The following TNC variants were observed in gnomAD, a reference collection of about 807,000 sequenced individuals.
TNC encodes tenascin.
A neutral mutation model predicts 202.4 loss-of-function variants in TNC; 109 were observed. The observed-to-expected ratio is 0.54, with a 90% CI of 0.46 to 0.63. The LOEUF (loss-of-function observed/expected upper bound fraction) is 0.63. Ranked by LOEUF, TNC falls within the 30% of genes least tolerant of loss-of-function variation. TNC has a pLI of 0.00. For synonymous variants in TNC, 1,007 were observed against 1,089.7 expected (o/e 0.92, Z 1.50); for missense variants, 2,756 against 2,833.3 (o/e 0.97, Z 0.62).
intron 1 of TNC, among the ~76,000 whole-genome samples, chr9:115,095,446 GTATATATATA>G (rs369832537): frequency 1.0e-5 from 1 of 96,162 alleles, no homozygotes; most frequent in Non-Finnish European, 2.0e-5. Context: ...CGTGGTATGT[GTATATATATA>G]TGTATATATA....
At chr9:115,058,467 G>T (rs1319051770) in intron 14 of TNC, among the ~76,000 whole-genome samples, 1 of 152,180 alleles carries the variant, frequency 6.6e-6, no homozygotes, top group African/African-American at 2.4e-5. Flanking sequence ...CTGCAGAAAA[G>T]ATCAGAAGTG....
At chr9:115,043,142 A>G (rs534051080) in intron 17 of TNC, among the ~76,000 whole-genome samples, 1 of 152,238 alleles carries the variant, frequency 6.6e-6, no homozygotes, top group East Asian at 1.9e-4. Flanking sequence ...TGCCCTCTTC[A>G]GCTAACCATG....
At chr9:115,027,390 G>A (rs537128895) in intron 25 of TNC, among the ~76,000 whole-genome samples, 55 of 151,422 alleles carry the variant, frequency 3.6e-4, no homozygotes, top group Non-Finnish European at 6.6e-4. Flanking sequence ...AGGAGTTCGA[G>A]ACCAGCCTGG....
intron 1 of TNC, among the ~76,000 whole-genome samples, chr9:115,095,448 A>ATATATATATGTATATATATATG (rs1225242190): frequency 5.9e-5 from 6 of 101,736 alleles, no homozygotes; most frequent in African/African-American, 2.6e-4. Context: ...TGGTATGTGT[A>ATATATATATGTATATATATATG]TATATATATG....
intron 1 of TNC, among the ~76,000 whole-genome samples, chr9:115,093,892 T>C (rs1231900231): frequency 1.3e-5 from 2 of 152,178 alleles, no homozygotes; most frequent in East Asian, 1.9e-4. Context: ...TCTTGAGCAT[T>C]GTGTATTTCC....
chr9:115,082,372 C>A lies in TNC; in HGVS notation c.2247+320G>T, dbSNP rs138338350. ...AAGGGTTGCTCAAATCTGAGATGTA[C>A]CTTTATTTTGAGGGAGAGACTGTTT... On this transcript the variant is annotated intron_variant, in intron 5 of 27. Transcript: ENST00000350763. 7.9e-5 allele frequency among the ~76,000 whole-genome samples: 12 copies of A among 152,232 alleles called. No homozygotes were observed. In the East Asian group the frequency reaches 1.4e-3, roughly 17 times the overall value.
intron 1 of TNC, among the ~76,000 whole-genome samples, chr9:115,108,575 T>C (rs984936657): frequency 3.3e-5 from 5 of 152,334 alleles, no homozygotes; most frequent in Admixed American, 2.0e-4. Context: ...GTTTTGTCTT[T>C]CTTCTTAGCA....
At chr9:115,077,764 A>T (rs1564104353) in intron 7 of TNC, among the ~76,000 whole-genome samples, 179 bp downstream of exon 7, 1 of 152,122 alleles carries the variant, frequency 6.6e-6, no homozygotes. Flanking sequence ...GTTATTTGGA[A>T]TTTTTTTTGA....
intron 1 of TNC, among the ~76,000 whole-genome samples, chr9:115,099,497 C>T (rs1836061313): frequency 6.6e-6 from 1 of 152,220 alleles, no homozygotes; most frequent in Non-Finnish European, 1.5e-5. Flanking sequence ...GGAATCACCA[C>T]TCTTTTAGGT....
At position 115,043,864 on chromosome 9, in the gene TNC, T is replaced by G. The variant is rs77251204; in HGVS notation, c.5126-1523A>C. Among the ~76,000 whole-genome samples the G allele has an allele frequency of 1.7e-3, 261 of 152,338 alleles. 2 individuals carry two copies. Among genetic ancestry groups the G allele is most frequent in the African/African-American group, 6.0e-3 (250 of 41,578 alleles). ...AAACCTCATTGGTGTAGGTACATTT[T>G]AGTAGGTGTATCTTATGGCCAAACA... On this transcript the variant is annotated intron_variant, in intron 17 of 27. Coordinates refer to ENST00000350763, the MANE Select transcript of TNC (RefSeq NM_002160.4).
chr9:115,102,455 G>A (rs573971464), intron 1 of TNC, among the ~76,000 whole-genome samples: 6 of 152,200 alleles, frequency 3.9e-5, no homozygotes, highest in Non-Finnish European at 7.3e-5. Flanking sequence ...ATGCCTTGAA[G>A]GCTTCTAGAA....
At position 115,086,371 on chromosome 9, in the gene TNC, A is replaced by C; in HGVS notation, c.1360T>G (p.Cys454Gly). ...HSRGRCVEGK[C>G]VCEQGFKGYD... ...CCCTTGAAGCCTTGCTCACATACAC[A>C]TTTGCCCTCGACACAGCGGCCCCGA... Residue 454 changes from cysteine to glycine, a missense_variant, in exon 3 of 28, where the codon TGT becomes GGT. Cys to Gly is a radical substitution (Grantham distance 159, BLOSUM62 -3). Coordinates refer to ENST00000350763, the MANE Select transcript of TNC (RefSeq NM_002160.4). 6.2e-7 allele frequency: 1 copy of C among 1,613,932 alleles called. No individual in the cohort carries two copies. Among genetic ancestry groups the C allele is most frequent in the Non-Finnish European group, 8.5e-7 (1 of 1,179,962 alleles).
chr9:115,063,766 G>A (rs1047977053), intron 12 of TNC, 30 bp downstream of exon 12: 1 of 1,592,170 alleles, frequency 6.3e-7, no homozygotes, highest in Non-Finnish European at 8.6e-7. Flanking sequence ...CAAAGGGGAG[G>A]AAGTGAATTA....
intron 2 of TNC, 132 bp from the exon 3 acceptor site, chr9:115,087,405 A>G (rs2133520832): frequency 2.3e-6 from 2 of 862,924 alleles, no homozygotes; most frequent in African/African-American, 1.7e-5. Flanking sequence ...CTTGAGAACC[A>G]TTTGTTGTAG....
In TNC at chr9:115,077,949, T is replaced by C. The variant is rs769389168; in HGVS notation, c.2668A>G (p.Thr890Ala). 1.1e-5 allele frequency: 17 copies of C among 1,613,988 alleles called. No individual in the cohort carries two copies. Among genetic ancestry groups the C allele is most frequent in the Non-Finnish European group, 1.4e-5 (17 of 1,179,954 alleles). Reference protein sequence around the residue: ...MSSNPAKETFTTGLDAPRNLR... With the variant: ...MSSNPAKETFATGLDAPRNLR... ...ACAGGGGGAGGCCTTTTACCTGTTG[T>C]GAAGGTCTCTTTGGCTGGGTTGCTT... The change falls in exon 7 of 28, where the codon ACA (threonine) becomes GCA (alanine). Residue 890 changes from threonine to alanine, a missense_variant. Thr to Ala is a moderately conservative substitution (Grantham distance 58). This residue lies in a region of TNC where 2,559 missense variants were observed against 2,546.0 expected (regional missense o/e 1.01). Transcript: ENST00000350763.
Position 115,021,232 on chromosome 9 carries a change from G to A in TNC, c.6531C>T (p.His2177=). 2 of 1,613,514 alleles carry A rather than the reference G, an allele frequency of 1.2e-6. No homozygotes were observed. The highest frequency in any genetic ancestry group is 1.7e-6 in the Non-Finnish European group (2 of 1,179,906). The part of the protein sequence containing the change: ...VNWFHWKGHE[H]SIQFAEMKLR... ...GCTTCATCTCAGCAAACTGGATTGAGTGTTCGTGGCCCTTCCAGTGGAACC... is the reference window on the plus strand; with the variant it reads ...GCTTCATCTCAGCAAACTGGATTGAATGTTCGTGGCCCTTCCAGTGGAACC... The change falls in exon 28 of 28, where the codon CAC becomes CAT. Residue 2177 remains histidine, a synonymous_variant. Coordinates refer to ENST00000350763, the MANE Select transcript of TNC (RefSeq NM_002160.4).
intron 1 of TNC, among the ~76,000 whole-genome samples, chr9:115,113,482 G>A (rs1837233603): frequency 6.6e-6 from 1 of 152,154 alleles, no homozygotes; most frequent in South Asian, 2.1e-4. Flanking sequence ...TATCCCCTAG[G>A]ATTCTCCTAG....
At chr9:115,088,464 A>C (rs796961088) in intron 2 of TNC, among the ~76,000 whole-genome samples, 1 of 152,166 alleles carries the variant, frequency 6.6e-6, no homozygotes, top group Admixed American at 6.5e-5. Context: ...GTGGAGGTCA[A>C]CTTAAAGAAT....
At position 115,085,973 on chromosome 9, in the gene TNC, G is replaced by A. The variant is rs761951210; in HGVS notation, c.1758C>T (p.Gly586=). ...GQCICHEGFT[G]LDCGQHSCPS... ...GGCAGGAGTGCTGGCCACAGTCCAG[G>A]CCTGTGAAGCCCTCGTGGCAGATGC... Residue 586 remains glycine, a synonymous_variant, in exon 3 of 28, where the codon GGC becomes GGT. Coordinates refer to ENST00000350763, the MANE Select transcript of TNC (RefSeq NM_002160.4). The A allele has an allele frequency of 6.2e-7, 1 of 1,613,822 alleles. No individual in the cohort carries two copies. The highest frequency in any genetic ancestry group is 8.5e-7 in the Non-Finnish European group (1 of 1,179,942).
Sources: gnomAD v4.1 joint callset for allele counts (sites outside exome capture counted in the v4.1 genomes callset) on GRCh38, gnomAD v4.1.1 for gene constraint, gnomAD v4.1.1 regional missense constraint, MANE v1.5 for transcripts, NCBI Gene and HGNC (gene_info 2026-07-23, HGNC 2026-07-21) for gene names.